Variants in STAC observed in about 807,000 individuals in gnomAD.
The protein encoded by STAC is SH3 and cysteine-rich domain-containing protein.
STAC carries 43 observed loss-of-function variants against 48.8 expected under a neutral mutation model. That is an observed-to-expected ratio of 0.88 (90% confidence interval 0.69 to 1.14). STAC has a LOEUF of 1.14. Ranked by LOEUF, STAC falls within the 50% of genes most tolerant of loss-of-function variation. The pLI is 0.00. For synonymous variants in STAC, 193 were observed against 179.5 expected (o/e 1.07, Z -0.60); for missense variants, 497 against 504.0 (o/e 0.99, Z 0.13).
intron 10 of STAC, among the ~76,000 whole-genome samples, chr3:36,543,042 T>C (rs1449130177): frequency 6.6e-6 from 1 of 152,054 alleles, no homozygotes; most frequent in African/African-American, 2.4e-5. Flanking sequence ...TCAATTACAG[T>C]TTGGAATTGA....
At chr3:36,522,150 A>G (rs768681817) in intron 8 of STAC, among the ~76,000 whole-genome samples, 22 of 152,208 alleles carry the variant, frequency 1.4e-4, no homozygotes, top group Non-Finnish European at 2.6e-4. Flanking sequence ...TTTATCATGC[A>G]TAATATATAA....
intron 1 of STAC, among the ~76,000 whole-genome samples, chr3:36,399,601 A>G (rs1388547356): frequency 6.6e-6 from 1 of 152,188 alleles, no homozygotes; most frequent in Admixed American, 6.5e-5. Flanking sequence ...GTGCTGAGTG[A>G]TGGAGGACAG....
At chr3:36,539,113 G>T (rs1041344765) in intron 10 of STAC, among the ~76,000 whole-genome samples, 46 of 152,034 alleles carry the variant, frequency 3.0e-4, no homozygotes, top group Non-Finnish European at 1.5e-4. Context: ...GTCTTTCATT[G>T]CTTCTAATAC....
At chr3:36,531,509 C>CT (rs1416377989) in intron 10 of STAC, among the ~76,000 whole-genome samples, 1 of 152,126 alleles carries the variant, frequency 6.6e-6, no homozygotes, top group Non-Finnish European at 1.5e-5. Flanking sequence ...CAGACAGGGC[C>CT]TGAAGCCCTG....
intron 1 of STAC, among the ~76,000 whole-genome samples, chr3:36,381,415 G>C (rs532600757): frequency 6.6e-6 from 1 of 152,330 alleles, no homozygotes; most frequent in African/African-American, 2.4e-5. Context: ...ACTCCCGTGG[G>C]TGCCAGGCAC....
intron 1 of STAC, among the ~76,000 whole-genome samples, chr3:36,393,703 A>G (rs944877047): frequency 5.4e-5 from 8 of 148,744 alleles, no homozygotes; most frequent in African/African-American, 7.4e-5. Context: ...GTGAGCGTGT[A>G]GCAGAAAGCA....
chr3:36,408,402 A>G (rs1700126045), intron 1 of STAC, among the ~76,000 whole-genome samples: 1 of 152,136 alleles, frequency 6.6e-6, no homozygotes, highest in Non-Finnish European at 1.5e-5. Context: ...AGGAGACCCT[A>G]TTGTTTGCCT....
At chr3:36,488,298 A>G (rs550606902) in intron 5 of STAC, among the ~76,000 whole-genome samples, 100 of 152,320 alleles carry the variant, frequency 6.6e-4, no homozygotes, top group African/African-American at 2.3e-3. Context: ...TTGTGAAGTT[A>G]AACAAGGAAG....
At chr3:36,512,208 A>G (rs1328199367) in intron 8 of STAC, among the ~76,000 whole-genome samples, 1 of 152,116 alleles carries the variant, frequency 6.6e-6, no homozygotes, top group Non-Finnish European at 1.5e-5. Flanking sequence ...TATTACCTGA[A>G]CAGTCTAGCA....
intron 2 of STAC, among the ~76,000 whole-genome samples, chr3:36,456,954 C>G (rs1449089285): frequency 2.6e-5 from 4 of 152,202 alleles, no homozygotes; most frequent in Non-Finnish European, 5.9e-5. Flanking sequence ...ATACTGCTGA[C>G]ATATCTCTTC....
intron 2 of STAC, among the ~76,000 whole-genome samples, chr3:36,466,868 G>A (rs1575219288): frequency 1.3e-5 from 2 of 150,954 alleles, no homozygotes; most frequent in East Asian, 3.9e-4. Context: ...CTCTGGCTAG[G>A]TCTTCCACTA....
intron 10 of STAC, among the ~76,000 whole-genome samples, chr3:36,545,028 C>G (rs897404159): frequency 2.0e-5 from 3 of 152,118 alleles, no homozygotes; most frequent in Non-Finnish European, 4.4e-5. Flanking sequence ...ATGGAAGAGC[C>G]CACTGTGGTG....
intron 1 of STAC, among the ~76,000 whole-genome samples, chr3:36,381,803 C>T (rs1488228536): frequency 6.6e-6 from 1 of 152,202 alleles, no homozygotes; most frequent in African/African-American, 2.4e-5. Flanking sequence ...GGGCACTGTA[C>T]ATTTCCCAGC....
At chr3:36,519,649 C>T (rs1456068) in intron 8 of STAC, among the ~76,000 whole-genome samples, 108,955 of 152,068 alleles carry the variant, frequency 0.72, 39,346 homozygotes, top group African/African-American at 0.78. Context: ...TTGTGATCTA[C>T]AGAGCATGTT....
chr3:36,483,989 G>T (rs1310180991), intron 3 of STAC, among the ~76,000 whole-genome samples: 1 of 152,086 alleles, frequency 6.6e-6, no homozygotes, highest in African/African-American at 2.4e-5. Flanking sequence ...CGCATTTGAG[G>T]GTGTTTGAAA....
At chr3:36,415,584 C>T (rs971956206) in intron 1 of STAC, among the ~76,000 whole-genome samples, 2 of 152,216 alleles carry the variant, frequency 1.3e-5, no homozygotes, top group Admixed American at 1.3e-4. Flanking sequence ...TCCCTGACCC[C>T]CTGCTTCGGC....
intron 10 of STAC, among the ~76,000 whole-genome samples, chr3:36,532,356 C>T (rs1699092974): frequency 6.6e-6 from 1 of 152,184 alleles, no homozygotes; most frequent in Non-Finnish European, 1.5e-5. Flanking sequence ...CTTTAGGACA[C>T]ATTGCATTTT....
At chr3:36,520,045 AG>A (rs1350947096) in intron 8 of STAC, among the ~76,000 whole-genome samples, 58 of 152,210 alleles carry the variant, frequency 3.8e-4, no homozygotes, top group Non-Finnish European at 1.3e-4. Flanking sequence ...GTAATCTGAA[AG>A]GATATGCCAG....
chr3:36,505,805 A>C lies in STAC; in HGVS notation c.891A>C (p.Val297=). The change falls in exon 8 of 11, where the codon GTA becomes GTC. Residue 297 remains valine, a synonymous_variant. Coordinates refer to ENST00000273183, the MANE Select transcript of STAC (RefSeq NM_003149.3). Reference sequence around the variant, plus strand: ...CCTATGTTGCCTTGTACAAATTTGTACCACAGGAGAATGAAGATTTGGAAA... The same window carrying C: ...CCTATGTTGCCTTGTACAAATTTGTCCCACAGGAGAATGAAGATTTGGAAA... ...MNTYVALYKF[V]PQENEDLEMR... The C allele has an allele frequency of 6.2e-7, 1 of 1,607,332 alleles. No individual in the cohort carries two copies. The highest frequency in any genetic ancestry group is 8.5e-7 in the Non-Finnish European group (1 of 1,177,502).
Sources: allele counts gnomAD v4.1 joint callset (sites outside exome capture counted in the v4.1 genomes callset), GRCh38; gene constraint gnomAD v4.1.1; transcripts MANE v1.5; gene names NCBI Gene and HGNC (gene_info 2026-07-23, HGNC 2026-07-21).